LCLAT1: variants seen among roughly 807,000 people sequenced by gnomAD.
LCLAT1 encodes the protein lysocardiolipin acyltransferase 1, also known as 1-AGP acyltransferase 8.
LCLAT1 carries 11 observed loss-of-function variants against 30.7 expected under a neutral mutation model. The ratio of observed to expected loss-of-function variants is 0.36; its 90% CI spans 0.23 to 0.59. The LOEUF (loss-of-function observed/expected upper bound fraction) is 0.59. Among genes scored for constraint, LCLAT1 ranks in the 20% least tolerant of loss-of-function variants. LCLAT1 has a pLI of 0.77. For synonymous variants in LCLAT1, 155 were observed against 151.3 expected (o/e 1.02, Z -0.18); for missense variants, 402 against 458.6 (o/e 0.88, Z 1.13).
At chr2:30,495,986 T>A (rs570848595) in intron 1 of LCLAT1, among the ~76,000 whole-genome samples, 2 of 152,166 alleles carry the variant, frequency 1.3e-5, no homozygotes, top group Non-Finnish European at 2.9e-5. Context: ...AGAGGTTTAA[T>A]TGGCTCATGG....
chr2:30,531,732 T>C (rs1300714310), intron 2 of LCLAT1, among the ~76,000 whole-genome samples: 1 of 152,230 alleles, frequency 6.6e-6, no homozygotes, highest in African/African-American at 2.4e-5. Context: ...TACTTTCTAG[T>C]ATATTTCTTT....
intron 3 of LCLAT1, among the ~76,000 whole-genome samples, chr2:30,537,521 T>TACACACACACACACAC (rs58394759): frequency 6.7e-5 from 10 of 149,106 alleles, no homozygotes; most frequent in South Asian, 2.1e-4. Context: ...CAATTGTAAA[T>TACACACACACACACAC]ACACACACAC....
intron 1 of LCLAT1, among the ~76,000 whole-genome samples, chr2:30,471,630 G>A (rs907821209): frequency 4.6e-5 from 7 of 152,034 alleles, no homozygotes; most frequent in Admixed American, 1.3e-4. Context: ...TTATTCCTAG[G>A]TTTATTCTTT....
chr2:30,533,207 G>T lies in LCLAT1; in HGVS notation c.257G>T (p.Arg86Leu). 1 of 1,613,820 alleles carries T rather than the reference G, an allele frequency of 6.2e-7. No homozygotes were observed. Among genetic ancestry groups the T allele is most frequent in the Non-Finnish European group, 8.5e-7 (1 of 1,179,724 alleles). The part of the protein sequence containing the change: ...GERSVIIMNH[R>L]TRMDWMFLWN... ...AGAAGTGTCATTATCATGAACCATC[G>T]GACAAGAATGGACTGGATGTTCCTG... The change falls in exon 3 of 6, where the codon CGG becomes CTG. Residue 86 changes from arginine to leucine, a missense_variant. Coordinates refer to ENST00000379509, the MANE Select transcript of LCLAT1 (RefSeq NM_001002257.3).
chr2:30,457,960 C>G (rs1681916075), intron 1 of LCLAT1, among the ~76,000 whole-genome samples: 2 of 151,708 alleles, frequency 1.3e-5, no homozygotes, highest in African/African-American at 4.8e-5. Flanking sequence ...CCTCGTATAA[C>G]ATAAGAATTC....
intron 3 of LCLAT1, among the ~76,000 whole-genome samples, chr2:30,561,200 C>G (rs1236725529): frequency 6.6e-6 from 1 of 152,184 alleles, no homozygotes; most frequent in Non-Finnish European, 1.5e-5. Context: ...GCCTCAGCCT[C>G]CCAAAGTGCT....
chr2:30,560,320 G>GTGTA (rs1207359838), intron 3 of LCLAT1, among the ~76,000 whole-genome samples: 1 of 140,578 alleles, frequency 7.1e-6, no homozygotes, highest in Non-Finnish European at 1.5e-5. Context: ...GTGTGTGTGT[G>GTGTA]TGTGTATTAT....
chr2:30,528,798 C>T (rs1383618138), intron 2 of LCLAT1, among the ~76,000 whole-genome samples: 1 of 152,206 alleles, frequency 6.6e-6, no homozygotes, highest in Non-Finnish European at 1.5e-5. Flanking sequence ...TGCTGTCACT[C>T]AGCTGTTTAG....
intron 2 of LCLAT1, among the ~76,000 whole-genome samples, chr2:30,531,022 T>C (rs1473264330): frequency 6.6e-6 from 1 of 152,160 alleles, no homozygotes; most frequent in Non-Finnish European, 1.5e-5. Flanking sequence ...TCCCAGCACT[T>C]TTGGAGGCCA....
chr2:30,466,229 TTTTTC>T (rs377542663), intron 1 of LCLAT1, among the ~76,000 whole-genome samples: 29 of 149,708 alleles, frequency 1.9e-4, no homozygotes, highest in African/African-American at 5.9e-4. Flanking sequence ...GTGTTTTCTT[TTTTTC>T]TTTTCTTTTC....
At chr2:30,632,273 T>TA (rs1220595926) in intron 5 of LCLAT1, among the ~76,000 whole-genome samples, 4 of 152,144 alleles carry the variant, frequency 2.6e-5, no homozygotes, top group Admixed American at 6.5e-5. Context: ...CTTGACTTAA[T>TA]AAAAAACAAC....
intron 1 of LCLAT1, among the ~76,000 whole-genome samples, chr2:30,505,723 G>T (rs181914363): frequency 1.2e-4 from 18 of 151,942 alleles, no homozygotes; most frequent in African/African-American, 3.6e-4. Context: ...ACCATTACTC[G>T]TACTTGTAAC....
At chr2:30,483,465 T>G (rs761503691) in intron 1 of LCLAT1, among the ~76,000 whole-genome samples, 14 of 152,236 alleles carry the variant, frequency 9.2e-5, no homozygotes, top group Admixed American at 5.2e-4. Context: ...CCTTAGTAGA[T>G]CTCACTGTCT....
Position 30,450,563 on chromosome 2 carries a change from A to G in LCLAT1, c.-5+3180A>G, listed in dbSNP as rs80002783. ...TTTTGAATATATTTGTACAGAAATCATTGTAATATGGAAGTAATCACTGAT... is the reference window on the plus strand; with the variant it reads ...TTTTGAATATATTTGTACAGAAATCGTTGTAATATGGAAGTAATCACTGAT... On this transcript the variant is annotated intron_variant, in intron 1 of 5. Coordinates refer to ENST00000379509, the MANE Select transcript of LCLAT1 (RefSeq NM_001002257.3). 2.2e-4 allele frequency among the ~76,000 whole-genome samples: 33 copies of G among 152,346 alleles called. No homozygotes were observed. The East Asian group carries it at 6.4e-3, about 29-fold the overall frequency.
chr2:30,575,148 T>A (rs904238072), intron 5 of LCLAT1, among the ~76,000 whole-genome samples: 3 of 152,158 alleles, frequency 2.0e-5, no homozygotes, highest in African/African-American at 7.2e-5. Flanking sequence ...CTTAAGTGTT[T>A]TTTCCACTTC....
At chr2:30,519,701 A>C (rs1685378724) in intron 1 of LCLAT1, among the ~76,000 whole-genome samples, 1 of 152,180 alleles carries the variant, frequency 6.6e-6, no homozygotes, top group Non-Finnish European at 1.5e-5. Context: ...CTATCACCTG[A>C]GAGCACCCGG....
intron 5 of LCLAT1, among the ~76,000 whole-genome samples, chr2:30,599,066 T>C (rs957748120): frequency 6.6e-6 from 1 of 151,582 alleles, no homozygotes; most frequent in African/African-American, 2.4e-5. Flanking sequence ...CACTGCAACC[T>C]CCGCCTCCCG....
intron 5 of LCLAT1, among the ~76,000 whole-genome samples, chr2:30,604,543 T>G (rs1255364351): frequency 6.6e-6 from 1 of 151,604 alleles, no homozygotes; most frequent in Non-Finnish European, 1.5e-5. Context: ...CTTTCAGGTG[T>G]GTAAAATAAA....
Position 30,557,283 on chromosome 2 carries a change from CGTGTGTGTGTGTGTGT to C in LCLAT1, c.365-4834_365-4819del, listed in dbSNP as rs373793652. Among the ~76,000 whole-genome samples the C allele has an allele frequency of 9.8e-3, 1,365 of 138,640 alleles. 19 individuals carry two copies. The highest frequency in any genetic ancestry group is 0.034 in the African/African-American group (1,252 of 36,332). 91.0% of individuals were successfully genotyped at this position (138,640 alleles called of 152,430 possible). A position where few individuals can be genotyped will look rare whatever the true frequency, so the allele number is the denominator to read the frequency against. The stretch of plus-strand genomic sequence containing the variant: ...TGTAGGACAGTGTAGAAGGTATGAT[CGTGTGTGTGTGTGTGT>C]GTGTGTGTGTGTGTGTGTGTGTGTG... On this transcript the variant is annotated intron_variant, in intron 3 of 5. Transcript: ENST00000379509.
Sources: gnomAD v4.1 joint callset for allele counts (sites outside exome capture counted in the v4.1 genomes callset) on GRCh38, gnomAD v4.1.1 for gene constraint, MANE v1.5 for transcripts, NCBI Gene and HGNC (gene_info 2026-07-23, HGNC 2026-07-21) for gene names.